Variants in ABCA8 observed in about 807,000 individuals in gnomAD.
The protein encoded by ABCA8 is ATP binding cassette subfamily A member 8.
Under a neutral mutation model 192.3 loss-of-function variants are expected in ABCA8, and 177 were observed. That is an observed-to-expected ratio of 0.92 (90% CI 0.81 to 1.04). The LOEUF (loss-of-function observed/expected upper bound fraction) is 1.04, where lower values mean the gene tolerates loss of function less well. Ranked by LOEUF, ABCA8 falls within the 50% of genes least tolerant of loss-of-function variation. ABCA8 has a pLI of 0.00. For missense variants in ABCA8, 1,915 were observed against 1,904.8 expected, an observed-to-expected ratio of 1.01 and a Z score of -0.10; for synonymous variants, 642 against 690.2, an observed-to-expected ratio of 0.93 and a Z score of 1.09.
At position 68,906,086 on chromosome 17, in the gene ABCA8, C is replaced by T. The variant is rs1322510127; in HGVS notation, c.2356G>A (p.Val786Ile). 4 of 1,599,066 alleles carry T rather than the reference C, an allele frequency of 2.5e-6. No homozygotes were observed. Among genetic ancestry groups the T allele is most frequent in the Non-Finnish European group, 8.5e-7 (1 of 1,173,234 alleles). The change falls in exon 19 of 40, where the codon GTA becomes ATA. Residue 786 changes from valine to isoleucine, a missense_variant. Physicochemically the swap from Val to Ile is conservative, Grantham distance 29. Coordinates refer to ENST00000586539, the MANE Select transcript of ABCA8 (RefSeq NM_001288985.2). Reference protein sequence around the residue: ...YGVSMTTLNEVFLKLEGKSTI... With the variant: ...YGVSMTTLNEIFLKLEGKSTI... ...GATTTTCCTTCTAGCTTCAGGAATACTTCATTCAAAGTTGTCATGGAAACA... is the reference window on the plus strand; with the variant it reads ...GATTTTCCTTCTAGCTTCAGGAATATTTCATTCAAAGTTGTCATGGAAACA...
chr17:68,899,039 A>G (rs373361821), intron 21 of ABCA8, among the ~76,000 whole-genome samples: 111 of 152,220 alleles, frequency 7.3e-4, no homozygotes, highest in African/African-American at 1.9e-3. Flanking sequence ...AGATTAAAAT[A>G]AGATGTACAT....
At chr17:68,950,890 T>A (rs1161036369) in intron 1 of ABCA8, among the ~76,000 whole-genome samples, 1 of 152,140 alleles carries the variant, frequency 6.6e-6, no homozygotes, top group Admixed American at 6.6e-5. Context: ...AGGCTAGTAC[T>A]TGGGCCAAGA....
At chr17:68,935,262 TTGTGTGTG>T (rs71144641) in intron 5 of ABCA8, among the ~76,000 whole-genome samples, 26 of 136,050 alleles carry the variant, frequency 1.9e-4, no homozygotes, top group Non-Finnish European at 2.5e-4. Context: ...GCCTGGCTAA[TTGTGTGTG>T]TGTGTGTGTG....
At chr17:68,950,829 T>G (rs2068548747) in intron 1 of ABCA8, among the ~76,000 whole-genome samples, 1 of 152,214 alleles carries the variant, frequency 6.6e-6, no homozygotes, top group Non-Finnish European at 1.5e-5. Flanking sequence ...ATTATCCATC[T>G]GTCTGTGTCC....
At chr17:68,947,537 G>T (rs2068445129) in intron 2 of ABCA8, among the ~76,000 whole-genome samples, 1 of 152,082 alleles carries the variant, frequency 6.6e-6, no homozygotes, top group Non-Finnish European at 1.5e-5. Context: ...ATCTTAGAAG[G>T]CTAGTAAACT....
At chr17:68,913,779 C>A (rs1190745689) in intron 17 of ABCA8, among the ~76,000 whole-genome samples, 5 of 151,952 alleles carry the variant, frequency 3.3e-5, no homozygotes, top group Non-Finnish European at 7.4e-5. Context: ...TGAATTCTAC[C>A]AAATACTTAA....
intron 32 of ABCA8, chr17:68,879,984 T>A (rs146770528): frequency 1.6e-3 from 248 of 152,210 alleles, no homozygotes; most frequent in Non-Finnish European, 3.0e-3. Flanking sequence ...AAGGGGTGGT[T>A]CTCTGGTGAA....
intron 17 of ABCA8, among the ~76,000 whole-genome samples, chr17:68,913,241 G>A (rs1356166390): frequency 1.3e-5 from 2 of 151,838 alleles, no homozygotes; most frequent in South Asian, 2.1e-4. Flanking sequence ...TATGGAATAC[G>A]GTGGAAGCAT....
chr17:68,875,639 C>T lies in ABCA8; in HGVS notation c.4465G>A (p.Ala1489Thr), dbSNP rs753250390. 3.1e-6 allele frequency: 5 copies of T among 1,614,120 alleles called. No homozygotes were observed. The highest frequency in any genetic ancestry group is 4.2e-6 in the Non-Finnish European group (5 of 1,179,996). Residue 1489 changes from alanine to threonine, a missense_variant, in exon 36 of 40, where the codon GCC becomes ACC. Coordinates refer to ENST00000586539, the MANE Select transcript of ABCA8 (RefSeq NM_001288985.2). Reference sequence around the variant, plus strand: ...CTCAACCTCCCAGATACCATGATGGCCACTCGGTCACACACGGCCTCAGCC... The same window carrying T: ...CTCAACCTCCCAGATACCATGATGGTCACTCGGTCACACACGGCCTCAGCC... Reference protein sequence around the residue: ...AEAEAVCDRVAIMVSGRLRCI... With the variant: ...AEAEAVCDRVTIMVSGRLRCI...
Position 68,875,392 on chromosome 17 carries a change from C to T in ABCA8, c.4499G>A (p.Gly1500Asp), listed in dbSNP as rs1470460722. 4 of 1,613,970 alleles carry T rather than the reference C, an allele frequency of 2.5e-6. No individual in the cohort carries two copies. In the South Asian group the frequency reaches 3.3e-5, roughly 13 times the overall value. The stretch of plus-strand genomic sequence containing the variant: ...TTTGCTTTTCAGGTGTTGGATGGAA[C>T]CGATACATCTGGAGGATGAGGTCAT... ...IMVSGRLRCIGSIQHLKSKFG... is the reference protein window; with the variant it reads ...IMVSGRLRCIDSIQHLKSKFG... The change falls in exon 37 of 40, where the codon GGT (glycine) becomes GAT (aspartate). Residue 1500 changes from glycine to aspartate, a missense_variant. Coordinates refer to ENST00000586539, the MANE Select transcript of ABCA8 (RefSeq NM_001288985.2).
At chr17:68,890,213 T>C (rs2066590936) in intron 24 of ABCA8, among the ~76,000 whole-genome samples, 1 of 152,202 alleles carries the variant, frequency 6.6e-6, no homozygotes, top group Non-Finnish European at 1.5e-5. Flanking sequence ...TCATAAACTC[T>C]TGATAGTGTT....
chr17:68,915,621 A>T (rs1293253885), intron 17 of ABCA8, among the ~76,000 whole-genome samples: 1 of 152,192 alleles, frequency 6.6e-6, no homozygotes, highest in African/African-American at 2.4e-5. Flanking sequence ...AAAGACAGGC[A>T]ATAACAAATG....
intron 27 of ABCA8, 78 bp from the exon 28 acceptor site, chr17:68,884,474 TA>T: frequency 6.9e-7 from 1 of 1,456,704 alleles, no homozygotes; most frequent in Non-Finnish European, 9.0e-7. Flanking sequence ...GAATTGGCCC[TA>T]AACAGCCCTG....
intron 36 of ABCA8, 29 bp from the exon 37 acceptor site, chr17:68,875,429 G>C (rs369047835): frequency 1.4e-6 from 2 of 1,470,768 alleles, no homozygotes; most frequent in African/African-American, 1.4e-5. Flanking sequence ...TGAGAAAGGA[G>C]AAAAAAAAAA....
chr17:68,909,818 T>C (rs1394152504), intron 17 of ABCA8, among the ~76,000 whole-genome samples: 1 of 152,240 alleles, frequency 6.6e-6, no homozygotes, highest in Non-Finnish European at 1.5e-5. Context: ...CCTATTTTCT[T>C]TGTATTGTTG....
chr17:68,890,860 T>C (rs565039402), intron 24 of ABCA8, among the ~76,000 whole-genome samples: 283 of 152,324 alleles, frequency 1.9e-3, no homozygotes, highest in Non-Finnish European at 3.2e-3. Flanking sequence ...AGCAGAAGCT[T>C]TTAACTTTGA....
At chr17:68,924,465 ATTATC>A (rs1194203544) in intron 11 of ABCA8, among the ~76,000 whole-genome samples, 1 of 152,174 alleles carries the variant, frequency 6.6e-6, no homozygotes, top group Non-Finnish European at 1.5e-5. Context: ...GTTTTGTTGA[ATTATC>A]TTAGCTGGTA....
chr17:68,944,316 T>TTATATATATATATATA (rs1177610587), intron 2 of ABCA8, among the ~76,000 whole-genome samples: 1 of 29,282 alleles, frequency 3.4e-5, no homozygotes, highest in East Asian at 7.9e-4. Flanking sequence ...GAACTTAAAG[T>TTATATATATATATATA]TATATATATA....
intron 8 of ABCA8, 68 bp from the exon 9 acceptor site, chr17:68,929,302 A>T (rs755087140): frequency 2.2e-4 from 273 of 1,267,334 alleles, no homozygotes; most frequent in Non-Finnish European, 2.8e-4. Context: ...TAAAATAGAT[A>T]TACAAAATTA....
Sources: gnomAD v4.1 joint callset for allele counts (sites outside exome capture counted in the v4.1 genomes callset) on GRCh38, gnomAD v4.1.1 for gene constraint, MANE v1.5 for transcripts, NCBI Gene and HGNC (gene_info 2026-07-23, HGNC 2026-07-21) for gene names.